The following AGO3 variants were observed in gnomAD, a reference collection of about 807,000 sequenced individuals.
The protein encoded by AGO3 is protein argonaute-3.
A neutral mutation model predicts 105.5 loss-of-function variants in AGO3; 16 were observed. That is an observed-to-expected ratio of 0.15 (90% CI 0.10 to 0.23). AGO3 has a LOEUF of 0.23. Among genes scored for constraint, AGO3 ranks in the 10% least tolerant of loss-of-function variants. The pLI, the probability that AGO3 is intolerant of heterozygous loss-of-function variation, is 1.00. For missense variants in AGO3, 534 were observed against 1,088.0 expected (o/e 0.49, Z 7.16); for synonymous variants, 340 against 367.3 (o/e 0.93, Z 0.85).
chr1:36,047,296 G>C (rs952488377), intron 17 of AGO3, among the ~76,000 whole-genome samples: 5 of 151,922 alleles, frequency 3.3e-5, no homozygotes, highest in Non-Finnish European at 5.9e-5. Context: ...TCAACAAAAA[G>C]ATAGAAATTT....
chr1:35,949,086 G>A (rs186439629), intron 2 of AGO3, among the ~76,000 whole-genome samples: 1 of 152,226 alleles, frequency 6.6e-6, no homozygotes, highest in Non-Finnish European at 1.5e-5. Context: ...TGGAATTACA[G>A]GCATGTGCCA....
Position 36,071,724 on chromosome 1 carries a change from T to C in AGO3, c.*15979T>C, listed in dbSNP as rs2123998520. 1 of 152,324 alleles carries C rather than the reference T, an allele frequency of 6.6e-6. No individual in the cohort carries two copies. Among genetic ancestry groups the C allele is most frequent in the Admixed American group, 6.5e-5 (1 of 15,290 alleles). The allele number at this position is 152,324 out of a possible 1,614,324, so 9.4% of individuals were successfully genotyped here. On this transcript the variant is annotated 3_prime_UTR_variant, in exon 19 of 19. Coordinates refer to ENST00000373191, the MANE Select transcript of AGO3 (RefSeq NM_024852.4). Reference sequence around the variant, plus strand: ...ATCTATAAATCTTTTTTTAAAATCTTCGGCTACACAGTAACATCAATTAAA... The same window carrying C: ...ATCTATAAATCTTTTTTTAAAATCTCCGGCTACACAGTAACATCAATTAAA...
intron 14 of AGO3, 58 bp downstream of exon 14, chr1:36,036,325 GTT>G: frequency 1.4e-6 from 2 of 1,480,238 alleles, no homozygotes; most frequent in Non-Finnish European, 1.9e-6. Flanking sequence ...CAATTTTGCA[GTT>G]TCAACTTTTT....
chr1:35,965,842 T>TA (rs1208970926), intron 2 of AGO3, among the ~76,000 whole-genome samples: 1 of 149,600 alleles, frequency 6.7e-6, no homozygotes, highest in East Asian at 1.9e-4. Context: ...TTTTTTTTTT[T>TA]GAGACAGAGT....
intron 2 of AGO3, among the ~76,000 whole-genome samples, chr1:35,951,220 G>C (rs973071479): frequency 6.6e-6 from 1 of 152,126 alleles, no homozygotes; most frequent in African/African-American, 2.4e-5. Flanking sequence ...CGAAGTGCTG[G>C]GATCACAGGC....
chr1:35,993,663 G>T (rs1162530387), intron 5 of AGO3, among the ~76,000 whole-genome samples: 1 of 148,568 alleles, frequency 6.7e-6, no homozygotes, highest in Admixed American at 6.7e-5. Context: ...TTTCTATAAT[G>T]TAAGGAAAAA....
At chr1:35,990,735 ATAAT>A (rs879480230) in intron 5 of AGO3, among the ~76,000 whole-genome samples, 21 of 152,338 alleles carry the variant, frequency 1.4e-4, no homozygotes, top group South Asian at 6.2e-4. Flanking sequence ...ATTCTAGTAA[ATAAT>A]TTATTAATCA....
rs201139207 is a variant in AGO3 at position 36,008,624 on chromosome 1, G to A, written c.794-66G>A. The stretch of plus-strand genomic sequence containing the variant: ...ATTGAGTTTTTATGGTAATGAACAG[G>A]CTTTATAAGTATAAATATTTTACAT... On this transcript the variant is annotated intron_variant, in intron 6 of 18. Coordinates refer to ENST00000373191, the MANE Select transcript of AGO3 (RefSeq NM_024852.4). The surrounding 1 kb of genome is among the most constrained non-coding windows in gnomAD (Gnocchi z 5.1). The A allele has an allele frequency of 1.2e-5, 18 of 1,488,876 alleles. No individual in the cohort carries two copies. The South Asian group carries it at 1.5e-4, about 13-fold the overall frequency. 92.2% of individuals were successfully genotyped at this position (1,488,876 alleles called of 1,614,324 possible).
intron 11 of AGO3, among the ~76,000 whole-genome samples, chr1:36,017,397 TAAG>T (rs1391184282): frequency 1.3e-5 from 2 of 152,194 alleles, no homozygotes; most frequent in Non-Finnish European, 2.9e-5. Flanking sequence ...CCATGTTCAA[TAAG>T]AAGTAGCAGC....
chr1:36,003,707 AAAATAT>A (rs1462031020), intron 5 of AGO3, among the ~76,000 whole-genome samples: 4 of 120,272 alleles, frequency 3.3e-5, no homozygotes, highest in Admixed American at 8.6e-5. Flanking sequence ...AAAAAAAAAA[AAAATAT>A]ATATATATAT....
chr1:36,017,272 C>A (rs1011081170), intron 11 of AGO3, among the ~76,000 whole-genome samples: 1 of 152,142 alleles, frequency 6.6e-6, no homozygotes, highest in Non-Finnish European at 1.5e-5. Flanking sequence ...TGAACCAAGC[C>A]ACCTAAAATC....
At chr1:35,979,868 G>C (rs1207591716) in intron 5 of AGO3, among the ~76,000 whole-genome samples, 4 of 151,620 alleles carry the variant, frequency 2.6e-5, no homozygotes, top group African/African-American at 7.3e-5. Context: ...TTGCTTTGTG[G>C]GTCAGTTTAA....
chr1:35,954,762 A>G (rs1402980964), intron 2 of AGO3, among the ~76,000 whole-genome samples: 2 of 152,248 alleles, frequency 1.3e-5, no homozygotes, highest in African/African-American at 2.4e-5. Context: ...ATGTACTGTG[A>G]TGAAAGAGTA....
chr1:36,032,851 G>A (rs1179240087), intron 12 of AGO3, among the ~76,000 whole-genome samples: 3 of 152,098 alleles, frequency 2.0e-5, no homozygotes, highest in East Asian at 1.9e-4. Flanking sequence ...TTGGCTGGGC[G>A]TAGTGGCTCA....
intron 11 of AGO3, among the ~76,000 whole-genome samples, chr1:36,020,949 T>C (rs1187863411): frequency 6.6e-6 from 1 of 151,884 alleles, no homozygotes; most frequent in Non-Finnish European, 1.5e-5. Flanking sequence ...TTTATTTATT[T>C]AGAGACGGAG....
intron 6 of AGO3, 34 bp downstream of exon 6, chr1:36,004,509 T>A (rs1248026701): frequency 6.5e-7 from 1 of 1,538,936 alleles, no homozygotes; most frequent in African/African-American, 1.4e-5. Flanking sequence ...AACTTAACTA[T>A]AAAATGCATG....
At chr1:35,967,923 G>A (rs1646803357) in intron 3 of AGO3, among the ~76,000 whole-genome samples, 1 of 152,060 alleles carries the variant, frequency 6.6e-6, no homozygotes, top group Non-Finnish European at 1.5e-5. Flanking sequence ...TAGATACCAT[G>A]TCGTTCTTTC....
intron 1 of AGO3, among the ~76,000 whole-genome samples, chr1:35,933,771 TAA>T (rs1411640499): frequency 6.6e-6 from 1 of 151,506 alleles, no homozygotes; most frequent in Non-Finnish European, 1.5e-5. Flanking sequence ...AATTCTGCCA[TAA>T]GTTTTTCTTT....
chr1:36,055,677 G>A lies in AGO3; in HGVS notation c.2515G>A (p.Asp839Asn). ...CGTTTCAGGACAAAGCAATGGGCGA[G>A]ATCCACAAGCTCTTGCCAAGGCTGT... The part of the protein sequence containing the change: ...SHVSGQSNGR[D>N]PQALAKAVQI... The change falls in exon 19 of 19, where the codon GAT becomes AAT. Residue 839 changes from aspartate (D) to asparagine (N), a missense_variant. Transcript: ENST00000373191. This position sits in a 1 kb window ranked among gnomAD's most constrained non-coding sequence, Gnocchi z 4.4. 6.2e-7 allele frequency: 1 copy of A among 1,614,188 alleles called. No homozygotes were observed. The highest frequency in any genetic ancestry group is 8.5e-7 in the Non-Finnish European group (1 of 1,180,020).
Sources: allele counts gnomAD v4.1 joint callset (sites outside exome capture counted in the v4.1 genomes callset), GRCh38; gene constraint gnomAD v4.1.1; non-coding constraint Gnocchi (gnomAD v3.1); transcripts MANE v1.5; gene names NCBI Gene and HGNC (gene_info 2026-07-23, HGNC 2026-07-21).